APOL4: variants seen among roughly 807,000 people sequenced by gnomAD.
APOL4 encodes apolipoprotein L, 4.
A neutral mutation model predicts 12.1 loss-of-function variants in APOL4; 14 were observed. The ratio of observed to expected loss-of-function variants is 1.16; its 90% confidence interval spans 0.76 to 1.81. The LOEUF is 1.81. APOL4 is among the 40% of genes most tolerant of loss of function. The probability of loss-of-function intolerance (pLI) is 0.00; values close to 1 mark genes in which losing one functional copy is unlikely to be tolerated. For missense variants in APOL4, 432 were observed against 423.1 expected (o/e 1.02, Z -0.18); for synonymous variants, 171 against 160.6 (o/e 1.06, Z -0.49).
chr22:36,199,678 C>G (rs1174008195), intron 1 of APOL4: 1 of 1,535,808 alleles, frequency 6.5e-7, no homozygotes, highest in African/African-American at 1.4e-5. Flanking sequence ...ACTACACAGT[C>G]TATACGCAGA....
At chr22:36,194,675 A>G (rs2014353660) in intron 3 of APOL4, among the ~76,000 whole-genome samples, 1 of 152,188 alleles carries the variant, frequency 6.6e-6, no homozygotes, top group Admixed American at 6.5e-5. Flanking sequence ...AGAGCTGTGC[A>G]GGGACAGAGC....
At chr22:36,202,673 C>G (rs2014618592), upstream of APOL4, among the ~76,000 whole-genome samples, 1 of 151,120 alleles carries the variant, frequency 6.6e-6, no homozygotes, top group African/African-American at 2.4e-5. Context: ...TTGCAGTGAG[C>G]AGAGATTGCG....
At position 36,201,784 on chromosome 22, in the gene APOL4, C is replaced by G; in HGVS notation, c.-50G>C. 1 of 1,587,354 alleles carries G rather than the reference C, an allele frequency of 6.3e-7. No homozygotes were observed. Among genetic ancestry groups the G allele is most frequent in the Non-Finnish European group, 8.6e-7 (1 of 1,166,416 alleles). On this transcript the variant is annotated 5_prime_UTR_variant, in exon 1 of 4. Coordinates refer to ENST00000683024, the MANE Select transcript of APOL4 (RefSeq NM_001386885.1). ...CTCAGACGCTGATCTGGGGCCTCTG[C>G]TGAATGTTGAGGCTGGATACTGACT...
upstream of APOL4, among the ~76,000 whole-genome samples, chr22:36,204,025 T>A (rs1374919772): frequency 6.6e-6 from 1 of 152,158 alleles, no homozygotes; most frequent in Non-Finnish European, 1.5e-5. Context: ...AGTCCTATGA[T>A]CTACCTGCTC....
intron 2 of APOL4, among the ~76,000 whole-genome samples, chr22:36,196,818 G>A (rs574297762): frequency 6.6e-6 from 1 of 152,308 alleles, no homozygotes; most frequent in East Asian, 1.9e-4. Flanking sequence ...GCGTTCCCTT[G>A]CCATTACTTT....
intron 1 of APOL4, among the ~76,000 whole-genome samples, chr22:36,200,150 C>T (rs946168892): frequency 5.9e-5 from 9 of 152,178 alleles, no homozygotes; most frequent in African/African-American, 2.2e-4. Flanking sequence ...TCAATGATCA[C>T]ACACAGCCCG....
chr22:36,196,010 C>T lies in APOL4; in HGVS notation c.83-573G>A, dbSNP rs554278960. On this transcript the variant is annotated intron_variant, in intron 2 of 3. Coordinates refer to ENST00000683024, the MANE Select transcript of APOL4 (RefSeq NM_001386885.1). ...CTAAGGCATCCTGAGAAGAGTGATTCACCAGGGAAGTGCCACGATGCTTTG... is the reference window on the plus strand; with the variant it reads ...CTAAGGCATCCTGAGAAGAGTGATTTACCAGGGAAGTGCCACGATGCTTTG... 5.9e-5 allele frequency among the ~76,000 whole-genome samples: 9 copies of T among 152,318 alleles called. No individual in the cohort carries two copies. The South Asian group carries it at 1.9e-3, about 32-fold the overall frequency.
chr22:36,192,407 G>C (rs930086285), intron 3 of APOL4, among the ~76,000 whole-genome samples: 1 of 152,192 alleles, frequency 6.6e-6, no homozygotes, highest in East Asian at 1.9e-4. Context: ...ATATGCCACA[G>C]TACTTATTCA....
intron 3 of APOL4, among the ~76,000 whole-genome samples, chr22:36,192,452 T>C (rs1006557762): frequency 2.0e-5 from 3 of 152,236 alleles, no homozygotes; most frequent in Admixed American, 6.5e-5. Context: ...CATCTTCCGA[T>C]GCTCTTTAGT....
At chr22:36,199,205 T>A in intron 2 of APOL4, 125 bp downstream of exon 2, 2 of 1,352,448 alleles carry the variant, frequency 1.5e-6, no homozygotes, top group South Asian at 1.2e-5. Flanking sequence ...ATCAGCCACC[T>A]CCGTCTGGGT....
chr22:36,194,184 A>G (rs1487138455), intron 3 of APOL4, among the ~76,000 whole-genome samples: 1 of 152,198 alleles, frequency 6.6e-6, no homozygotes, highest in Non-Finnish European at 1.5e-5. Flanking sequence ...GTTGGCCTGA[A>G]GAAACATTGC....
rs571774628 is a variant in APOL4 at position 36,195,972 on chromosome 22, T to C, written c.83-535A>G. On this transcript the variant is annotated intron_variant, in intron 2 of 3. Coordinates refer to ENST00000683024, the MANE Select transcript of APOL4 (RefSeq NM_001386885.1). ...ACGTCAGTTGTTGAAGCCACCCAGC[T>C]TGTGGCATTTTACTAAGGCATCCTG... Among the ~76,000 whole-genome samples the C allele has an allele frequency of 8.3e-3, 1,255 of 151,786 alleles. 20 individuals are homozygous for C. Among genetic ancestry groups the C allele is most frequent in the African/African-American group, 0.029 (1,198 of 41,396 alleles).
rs374760474 is a variant in APOL4 at position 36,195,340 on chromosome 22, C to A, written c.180G>T (p.Lys60Asn). 6.2e-7 allele frequency: 1 copy of A among 1,614,122 alleles called. No individual in the cohort carries two copies. The highest frequency in any genetic ancestry group is 8.5e-7 in the Non-Finnish European group (1 of 1,179,964). Residue 60 changes from lysine (K) to asparagine (N), a missense_variant, in exon 3 of 4, where the codon AAG becomes AAT. Lys to Asn is a moderately conservative substitution (Grantham distance 94). Transcript: ENST00000683024. ...GCAATTCAGCCACACGCACAAATCT[C>A]TTCCAGGCTTCATCGCTAGTCAGCA... ...KILLTSDEAW[K>N]RFVRVAELPR... is the part of the protein sequence containing the mutation.
intron 2 of APOL4, among the ~76,000 whole-genome samples, chr22:36,196,132 C>G (rs2014407955): frequency 6.6e-6 from 1 of 152,226 alleles, no homozygotes; most frequent in Non-Finnish European, 1.5e-5. Context: ...TGATCGCTTC[C>G]TCCTGCCATG....
At chr22:36,200,872 A>G (rs538509667) in intron 1 of APOL4, among the ~76,000 whole-genome samples, 3 of 152,380 alleles carry the variant, frequency 2.0e-5, no homozygotes, top group Non-Finnish European at 2.9e-5. Context: ...CTTGTTATCA[A>G]TACCAATTAG....
At chr22:36,202,743 A>G (rs879786367), upstream of APOL4, among the ~76,000 whole-genome samples, 687 of 152,172 alleles carry the variant, frequency 4.5e-3, 4 homozygotes, top group Non-Finnish European at 7.1e-3. Flanking sequence ...AGAAAAAAAA[A>G]AAAAGAAAAA....
intron 2 of APOL4, among the ~76,000 whole-genome samples, chr22:36,198,095 A>G (rs1274652942): frequency 6.6e-6 from 1 of 152,090 alleles, no homozygotes; most frequent in African/African-American, 2.4e-5. Flanking sequence ...ACTGGGCCCG[A>G]CTGGCTCTTC....
chr22:36,192,391 A>G (rs879327567), intron 3 of APOL4, among the ~76,000 whole-genome samples: 1 of 152,216 alleles, frequency 6.6e-6, no homozygotes, highest in Non-Finnish European at 1.5e-5. Flanking sequence ...GTTTTGTACA[A>G]CATAGATATG....
At chr22:36,199,856 G>A (rs2014517233) in intron 1 of APOL4, among the ~76,000 whole-genome samples, 1 of 151,872 alleles carries the variant, frequency 6.6e-6, no homozygotes, top group East Asian at 1.9e-4. Flanking sequence ...TCGTCCAGGT[G>A]GAGTGCAGTG....
Sources: allele counts gnomAD v4.1 joint callset (sites outside exome capture counted in the v4.1 genomes callset), GRCh38; gene constraint gnomAD v4.1.1; transcripts MANE v1.5; gene names NCBI Gene and HGNC (gene_info 2026-07-23, HGNC 2026-07-21).